The following ADK variants were observed in gnomAD, a reference collection of about 807,000 sequenced individuals.
ADK encodes N6,N6-dimethyladenosine kinase.
Under a neutral mutation model 44.7 loss-of-function variants are expected in ADK, and 24 were observed. The observed-to-expected ratio is 0.54, with a 90% confidence interval of 0.39 to 0.76. ADK has a LOEUF of 0.76. ADK is among the 30% of genes least tolerant of loss of function. The pLI is 0.00. For synonymous variants in ADK, 128 were observed against 142.6 expected, an observed-to-expected ratio of 0.90 and a Z score of 0.73; for missense variants, 321 against 425.1, an observed-to-expected ratio of 0.76 and a Z score of 2.15.
At chr10:74,233,129 G>T (rs1202694058) in intron 3 of ADK, among the ~76,000 whole-genome samples, 1 of 152,186 alleles carries the variant, frequency 6.6e-6, no homozygotes, top group East Asian at 1.9e-4. Context: ...ATAGGCTGTA[G>T]TCTTGGGGTA....
At chr10:74,643,568 C>G (rs1853950584) in intron 9 of ADK, among the ~76,000 whole-genome samples, 1 of 152,120 alleles carries the variant, frequency 6.6e-6, no homozygotes, top group Non-Finnish European at 1.5e-5. Context: ...CTTGCTATTT[C>G]AAAGTTTCTG....
chr10:74,655,066 G>A, intron 9 of ADK: 1 of 237,416 alleles, frequency 4.2e-6, no homozygotes, highest in Non-Finnish European at 8.3e-6. Context: ...TTCACCCCGG[G>A]CCGCCTTCCC....
At chr10:74,446,224 G>T (rs1324123555) in intron 6 of ADK, among the ~76,000 whole-genome samples, 4 of 151,952 alleles carry the variant, frequency 2.6e-5, no homozygotes, top group African/African-American at 7.2e-5. Flanking sequence ...GGGCAATCTT[G>T]TCACTAATTG....
intron 7 of ADK, chr10:74,528,204 T>C (rs1849134471): frequency 1.9e-6 from 1 of 526,696 alleles, no homozygotes; most frequent in African/African-American, 2.4e-5. Context: ...TGTACATATC[T>C]GCAAAAATGG....
intron 7 of ADK, among the ~76,000 whole-genome samples, chr10:74,567,031 A>G (rs547273188): frequency 6.6e-6 from 1 of 152,286 alleles, no homozygotes; most frequent in Non-Finnish European, 1.5e-5. Context: ...TTAGCCTCTC[A>G]TTTTTTAAAA....
intron 9 of ADK, among the ~76,000 whole-genome samples, chr10:74,633,644 C>A (rs1200807675): frequency 6.6e-6 from 1 of 152,182 alleles, no homozygotes; most frequent in South Asian, 2.1e-4. Flanking sequence ...TAGCTCATGT[C>A]AGAACAGCCC....
chr10:74,432,902 A>C (rs1845049114), intron 6 of ADK, among the ~76,000 whole-genome samples: 1 of 152,184 alleles, frequency 6.6e-6, no homozygotes, highest in Non-Finnish European at 1.5e-5. Context: ...ATGTCTAAAT[A>C]TTTAGGTATT....
chr10:74,635,062 A>C (rs933555031), intron 9 of ADK, among the ~76,000 whole-genome samples: 4 of 152,242 alleles, frequency 2.6e-5, no homozygotes, highest in Admixed American at 2.0e-4. Context: ...AGAATGAGGC[A>C]AGATAAATAT....
intron 9 of ADK, among the ~76,000 whole-genome samples, chr10:74,633,248 C>G (rs1026653561): frequency 6.6e-6 from 1 of 152,208 alleles, no homozygotes; most frequent in African/African-American, 2.4e-5. Context: ...GTCAGCTATA[C>G]ACATTGTTCC....
chr10:74,182,196 C>A (rs12261738), intron 1 of ADK, among the ~76,000 whole-genome samples: 8,688 of 152,124 alleles, frequency 0.057, 874 homozygotes, highest in African/African-American at 0.2. Context: ...TTTTCAAACT[C>A]ATTTTTACCT....
chr10:74,249,817 A>G (rs995164876), intron 3 of ADK, among the ~76,000 whole-genome samples: 6 of 152,180 alleles, frequency 3.9e-5, no homozygotes, highest in African/African-American at 9.7e-5. Flanking sequence ...CAGTTCTTCA[A>G]TTTATCAATT....
chr10:74,608,453 C>T (rs548266676), intron 9 of ADK, among the ~76,000 whole-genome samples: 1 of 152,196 alleles, frequency 6.6e-6, no homozygotes, highest in South Asian at 2.1e-4. Context: ...GGTGCTATTC[C>T]TTTCTGTTTG....
Position 74,286,204 on chromosome 10 carries a change from C to T in ADK, c.195-28463C>T, listed in dbSNP as rs543267289. Among the ~76,000 whole-genome samples, 4 of 152,260 alleles carry T rather than the reference C, an allele frequency of 2.6e-5. No individual in the cohort carries two copies. The South Asian group carries it at 8.3e-4, about 32-fold the overall frequency. On this transcript the variant is annotated intron_variant, in intron 3 of 10. Transcript: ENST00000539909. ...AGCAGCTAGGACTACAAGTGTGTGCCACCACACCTGGCTCATTTTTTAATT... is the reference window on the plus strand; with the variant it reads ...AGCAGCTAGGACTACAAGTGTGTGCTACCACACCTGGCTCATTTTTTAATT...
At position 74,195,668 on chromosome 10, in the gene ADK, T is replaced by TTTTC. The variant is rs146395490; in HGVS notation, c.66-5072_66-5069dup. On this transcript the variant is annotated intron_variant, in intron 1 of 10. Transcript: ENST00000539909. ...CTGGCTCAATTTTTTATATTTTTCT[T>TTTTC]TTTCTTTCTTTCTTTCTTTCTTTCT... Among the ~76,000 whole-genome samples the TTTTC allele has an allele frequency of 7.0e-3, 1,009 of 143,174 alleles. 16 individuals are homozygous for TTTTC. Among genetic ancestry groups the TTTTC allele is most frequent in the East Asian group, 0.061 (303 of 4,950 alleles). 93.9% of individuals were successfully genotyped at this position (143,174 alleles called of 152,430 possible).
chr10:74,359,308 T>G (rs1465596344), intron 4 of ADK, among the ~76,000 whole-genome samples: 1 of 152,160 alleles, frequency 6.6e-6, no homozygotes, highest in African/African-American at 2.4e-5. Flanking sequence ...GGGTCTTCTG[T>G]GGTTCCATAT....
At chr10:74,347,723 C>T (rs562431625) in intron 4 of ADK, among the ~76,000 whole-genome samples, 2 of 152,180 alleles carry the variant, frequency 1.3e-5, no homozygotes, top group South Asian at 4.2e-4. Flanking sequence ...GACCATTGGG[C>T]TTGGTAGGGG....
chr10:74,609,627 TA>T (rs1159498658), intron 9 of ADK, among the ~76,000 whole-genome samples: 2 of 152,038 alleles, frequency 1.3e-5, no homozygotes, highest in Admixed American at 1.3e-4. Flanking sequence ...ATGTAGAAAT[TA>T]CCCGCCTTCT....
At chr10:74,412,934 T>C (rs547935974) in intron 6 of ADK, among the ~76,000 whole-genome samples, 2 of 152,242 alleles carry the variant, frequency 1.3e-5, no homozygotes, top group South Asian at 2.1e-4. Context: ...GGTGCACACC[T>C]GTAATCCCAG....
At position 74,257,551 on chromosome 10, in the gene ADK, T is replaced by G. The variant is rs1183956010; in HGVS notation, c.194+32960T>G. Among the ~76,000 whole-genome samples the G allele has an allele frequency of 6.6e-5, 10 of 152,194 alleles. No individual in the cohort carries two copies. In the East Asian group the frequency reaches 1.9e-3, roughly 29 times the overall value. ...TTATATCAATTGAGCATATTGTTTT[T>G]GAAATTTAATTTAGAATAATCATCT... On this transcript the variant is annotated intron_variant, in intron 3 of 10. Coordinates refer to ENST00000539909, the MANE Select transcript of ADK (RefSeq NM_006721.4).
Sources: allele counts gnomAD v4.1 joint callset (sites outside exome capture counted in the v4.1 genomes callset), GRCh38; gene constraint gnomAD v4.1.1; transcripts MANE v1.5; gene names NCBI Gene and HGNC (gene_info 2026-07-23, HGNC 2026-07-21).